Variants in MYO1D observed in about 807,000 individuals in gnomAD.
The protein encoded by MYO1D is myosin ID.
Under a neutral mutation model 122.0 loss-of-function variants are expected in MYO1D, and 83 were observed. That is an observed-to-expected ratio of 0.68 (90% confidence interval 0.57 to 0.82). MYO1D has a LOEUF of 0.82. MYO1D is among the 40% of genes least tolerant of loss of function. The pLI is 0.00. For synonymous variants in MYO1D, 464 were observed against 446.9 expected (o/e 1.04, Z -0.48); for missense variants, 1,157 against 1,269.5 (o/e 0.91, Z 1.35).
At chr17:32,560,529 A>C (rs7218607) in intron 21 of MYO1D, among the ~76,000 whole-genome samples, 3,155 of 8,064 alleles carry the variant, frequency 0.39, 497 homozygotes, top group African/African-American at 0.63. Context: ...CAGAGACAAC[A>C]TATATATATA....
intron 1 of MYO1D, among the ~76,000 whole-genome samples, chr17:32,823,511 T>TA (rs1300001714): frequency 1.3e-5 from 2 of 152,180 alleles, no homozygotes; most frequent in Non-Finnish European, 2.9e-5. Context: ...AAAACTGAGT[T>TA]AAACTTTGCA....
intron 21 of MYO1D, among the ~76,000 whole-genome samples, chr17:32,565,757 A>G (rs1413943078): frequency 6.6e-6 from 1 of 151,654 alleles, no homozygotes; most frequent in African/African-American, 2.4e-5. Context: ...CAGAGTCTCC[A>G]TCTGTGGCTC....
chr17:32,530,195 C>CT (rs1317830512), intron 21 of MYO1D: 1 of 152,240 alleles, frequency 6.6e-6, no homozygotes, highest in East Asian at 1.9e-4. Flanking sequence ...CCATTACACT[C>CT]TGTCTGTGGT....
chr17:32,611,554 C>G (rs2087702357), intron 20 of MYO1D, among the ~76,000 whole-genome samples: 1 of 152,170 alleles, frequency 6.6e-6, no homozygotes. Context: ...AAACAGAAAA[C>G]TTGGCCAAGT....
chr17:32,670,470 T>C (rs536672280), intron 16 of MYO1D, among the ~76,000 whole-genome samples: 12 of 151,940 alleles, frequency 7.9e-5, no homozygotes, highest in Non-Finnish European at 1.2e-4. Context: ...GAACAAGCAT[T>C]GATAGAGGCA....
At chr17:32,755,228 C>A (rs113230989) in intron 11 of MYO1D, among the ~76,000 whole-genome samples, 1 of 152,206 alleles carries the variant, frequency 6.6e-6, no homozygotes, top group East Asian at 1.9e-4. Flanking sequence ...TCTAAAGAAT[C>A]ATGCTCATTT....
intron 21 of MYO1D, among the ~76,000 whole-genome samples, chr17:32,564,195 C>T (rs1263157874): frequency 6.6e-6 from 1 of 152,224 alleles, no homozygotes; most frequent in Admixed American, 6.5e-5. Flanking sequence ...CCCAGGCTAA[C>T]CTGGGAATGG....
At chr17:32,825,848 G>C (rs2151061460) in intron 1 of MYO1D, among the ~76,000 whole-genome samples, 1 of 152,092 alleles carries the variant, frequency 6.6e-6, no homozygotes, top group South Asian at 2.1e-4. Context: ...GACCAGCCCA[G>C]GCAATATAGC....
At chr17:32,779,704 G>A (rs959513228) in intron 2 of MYO1D, among the ~76,000 whole-genome samples, 3 of 151,914 alleles carry the variant, frequency 2.0e-5, no homozygotes, top group African/African-American at 7.3e-5. Flanking sequence ...TACTGTTTTT[G>A]TGATTTGTTT....
chr17:32,572,751 T>C (rs1238865798), intron 21 of MYO1D, among the ~76,000 whole-genome samples: 3 of 152,164 alleles, frequency 2.0e-5, no homozygotes, highest in Non-Finnish European at 2.9e-5. Context: ...ATCGTTCCAC[T>C]GTCACAGGCT....
chr17:32,705,786 C>T (rs2089299692), intron 16 of MYO1D, among the ~76,000 whole-genome samples: 1 of 152,008 alleles, frequency 6.6e-6, no homozygotes, highest in Non-Finnish European at 1.5e-5. Flanking sequence ...TGGGAGGGAC[C>T]CAAGTGGGAG....
At chr17:32,668,595 G>C (rs565923701) in intron 16 of MYO1D, among the ~76,000 whole-genome samples, 1 of 151,640 alleles carries the variant, frequency 6.6e-6, no homozygotes, top group Admixed American at 6.5e-5. Context: ...AATGCTCCCC[G>C]AAAAAAGGGT....
At chr17:32,659,491 C>G in intron 16 of MYO1D, 153 bp from the exon 17 acceptor site, 1 of 668,096 alleles carries the variant, frequency 1.5e-6, no homozygotes, top group Non-Finnish European at 2.6e-6. Flanking sequence ...TCAGTTCCAC[C>G]TGCCACCAAC....
chr17:32,853,369 A>G (rs2091004809), intron 1 of MYO1D, among the ~76,000 whole-genome samples: 1 of 152,230 alleles, frequency 6.6e-6, no homozygotes, highest in Admixed American at 6.5e-5. Flanking sequence ...ATGGCTCCCC[A>G]TCACCACATA....
intron 21 of MYO1D, among the ~76,000 whole-genome samples, chr17:32,559,254 C>T (rs780900965): frequency 6.6e-6 from 1 of 152,132 alleles, no homozygotes; most frequent in African/African-American, 2.4e-5. Context: ...TTTTCTGAAG[C>T]GCAATTTATT....
chr17:32,715,819 C>T (rs1278032001), intron 15 of MYO1D, among the ~76,000 whole-genome samples: 1 of 152,116 alleles, frequency 6.6e-6, no homozygotes, highest in African/African-American at 2.4e-5. Flanking sequence ...CCTCAATCTA[C>T]CCAGTTACTA....
chr17:32,571,192 A>C (rs974228884), intron 21 of MYO1D, among the ~76,000 whole-genome samples: 2 of 152,074 alleles, frequency 1.3e-5, no homozygotes, highest in African/African-American at 4.8e-5. Flanking sequence ...GGCTAAGAGG[A>C]TGCAGGGTAG....
At chr17:32,784,025 C>G (rs1487887969) in intron 1 of MYO1D, among the ~76,000 whole-genome samples, 1 of 152,122 alleles carries the variant, frequency 6.6e-6, no homozygotes, top group Admixed American at 6.5e-5. Flanking sequence ...ACATAAATAA[C>G]AACAATATAG....
At chr17:32,556,407 T>C (rs1411408409) in intron 21 of MYO1D, among the ~76,000 whole-genome samples, 1 of 152,192 alleles carries the variant, frequency 6.6e-6, no homozygotes, top group African/African-American at 2.4e-5. Flanking sequence ...GTGGGGCTCC[T>C]GAGGGCTCGA....
Sources: allele counts gnomAD v4.1 joint callset (sites outside exome capture counted in the v4.1 genomes callset), GRCh38; gene constraint gnomAD v4.1.1; transcripts MANE v1.5; gene names NCBI Gene and HGNC (gene_info 2026-07-23, HGNC 2026-07-21).